ITSN2: variants seen among roughly 807,000 people sequenced by gnomAD.
ITSN2 encodes intersectin 2.
ITSN2 carries 156 observed loss-of-function variants against 243.7 expected under a neutral mutation model. That is an observed-to-expected ratio of 0.64 (90% CI 0.56 to 0.73). The LOEUF (loss-of-function observed/expected upper bound fraction) is 0.73. Ranked by LOEUF, ITSN2 falls within the 30% of genes least tolerant of loss-of-function variation. The pLI is 0.00. For missense variants in ITSN2, 1,801 were observed against 1,996.1 expected (o/e 0.90, Z 1.86); for synonymous variants, 703 against 699.9 (o/e 1.00, Z -0.07).
chr2:24,283,327 C>T (rs1558549252), intron 17 of ITSN2, among the ~76,000 whole-genome samples: 4 of 152,124 alleles, frequency 2.6e-5, no homozygotes, highest in South Asian at 2.1e-4. Flanking sequence ...CGGGTTCAAG[C>T]GATTCTCCCG....
At chr2:24,277,737 G>T (rs1221880056) in intron 17 of ITSN2, among the ~76,000 whole-genome samples, 1 of 152,150 alleles carries the variant, frequency 6.6e-6, no homozygotes, top group Admixed American at 6.5e-5. Flanking sequence ...GTACAAGGGT[G>T]TCCAATCTTT....
intron 2 of ITSN2, chr2:24,321,805 G>A (rs1684605991): frequency 6.6e-6 from 1 of 152,126 alleles, no homozygotes; most frequent in Non-Finnish European, 1.5e-5. Flanking sequence ...AAAGATGGAA[G>A]CAGCTCACCT....
intron 13 of ITSN2, among the ~76,000 whole-genome samples, chr2:24,297,657 G>T (rs2151639810): frequency 6.6e-6 from 1 of 152,276 alleles, no homozygotes; most frequent in South Asian, 2.1e-4. Context: ...GAAAATCACT[G>T]TTCTGCTGCC....
rs569025969 is a variant in ITSN2, at chr2:24,254,389, C to A, written c.2931G>T (p.Ser977=). The A allele has an allele frequency of 7.4e-6, 12 of 1,612,270 alleles. No individual in the cohort carries two copies. Among genetic ancestry groups the A allele is most frequent in the Non-Finnish European group, 8.5e-7 (1 of 1,178,848 alleles). Residue 977 remains serine, a synonymous_variant, in exon 24 of 40, where the codon TCG becomes TCT. Coordinates refer to ENST00000355123, the MANE Select transcript of ITSN2 (RefSeq NM_006277.3). ...LYAAVNKKPT[S]AAYSVGEEYI... ...TACCTTCTCCAACTGAATAGGCTGC[C>A]GAGGTAGGTTTCTTATTTACAGCTG... is the stretch of plus-strand genomic sequence containing the variant.
intron 11 of ITSN2, among the ~76,000 whole-genome samples, chr2:24,300,488 T>A (rs546295170): frequency 1.3e-5 from 2 of 152,282 alleles, no homozygotes; most frequent in East Asian, 3.9e-4. Flanking sequence ...GAGGCCAAGG[T>A]GGGCGGATCA....
intron 25 of ITSN2, among the ~76,000 whole-genome samples, chr2:24,250,738 A>G (rs1673979049): frequency 6.6e-6 from 1 of 152,192 alleles, no homozygotes; most frequent in Non-Finnish European, 1.5e-5. Context: ...GTAGAATAAA[A>G]AAGAACATTG....
intron 29 of ITSN2, among the ~76,000 whole-genome samples, chr2:24,245,405 G>A (rs765667867): frequency 2.0e-5 from 3 of 151,892 alleles, no homozygotes; most frequent in Admixed American, 1.3e-4. Flanking sequence ...TAAATGAGAA[G>A]GTTAGAAATG....
At chr2:24,251,320 A>AT (rs1256107124) in intron 25 of ITSN2, among the ~76,000 whole-genome samples, 60 of 2,740 alleles carry the variant, frequency 0.022, 13 homozygotes, top group African/African-American at 0.06. Flanking sequence ...AAAAAAAAAA[A>AT]AAAATAAAAT....
chr2:24,222,059 T>C (rs1042898190), intron 29 of ITSN2, among the ~76,000 whole-genome samples: 33 of 152,246 alleles, frequency 2.2e-4, no homozygotes, highest in East Asian at 7.7e-4. Context: ...GAGACCATCC[T>C]GGCTAACACG....
chr2:24,247,723 T>C (rs1489186263), intron 27 of ITSN2, among the ~76,000 whole-genome samples: 1 of 152,178 alleles, frequency 6.6e-6, no homozygotes, highest in Non-Finnish European at 1.5e-5. Context: ...ATTTATATTC[T>C]AAAAAGACAT....
At position 24,315,232 on chromosome 2, in the gene ITSN2, A is replaced by C; in HGVS notation, c.32-8T>G. ...CCCACATGTTTGGCCCTCCTGAAACATAAGTGGAAGAAACTATAGTGTATA... is the reference window on the plus strand; with the variant it reads ...CCCACATGTTTGGCCCTCCTGAAACCTAAGTGGAAGAAACTATAGTGTATA... On this transcript the variant is annotated splice_polypyrimidine_tract_variant and splice_region_variant and intron_variant, in intron 2 of 39. Coordinates refer to ENST00000355123, the MANE Select transcript of ITSN2 (RefSeq NM_006277.3). 2 of 1,558,068 alleles carry C rather than the reference A, an allele frequency of 1.3e-6. No individual in the cohort carries two copies. Among genetic ancestry groups the C allele is most frequent in the Non-Finnish European group, 1.8e-6 (2 of 1,132,046 alleles).
intron 10 of ITSN2, 51 bp from the exon 11 acceptor site, chr2:24,301,290 G>C: frequency 9.0e-7 from 1 of 1,110,244 alleles, no homozygotes; most frequent in Non-Finnish European, 1.4e-6. Flanking sequence ...GACATTTTCA[G>C]ACTAGATTAC....
At chr2:24,288,682 A>C (rs948445934) in intron 15 of ITSN2, among the ~76,000 whole-genome samples, 1 of 152,156 alleles carries the variant, frequency 6.6e-6, no homozygotes, top group African/African-American at 2.4e-5. Context: ...GAAAACACTT[A>C]AAATCTATTC....
In ITSN2 at chr2:24,294,387, C is replaced by T. The variant is rs1680671310; in HGVS notation, c.1636-612G>A. On this transcript the variant is annotated intron_variant, in intron 14 of 39. Transcript: ENST00000355123. ...GTTGCAGTGAGCTGAGGTCATGCCA[C>T]TGCACTCCAGCCTGGGTGACAGAGG... Among the ~76,000 whole-genome samples, 3 of 152,298 alleles carry T rather than the reference C, an allele frequency of 2.0e-5. No individual in the cohort carries two copies. The South Asian group carries it at 6.2e-4, about 32-fold the overall frequency.
chr2:24,343,798 T>C (rs544301882), intron 1 of ITSN2, among the ~76,000 whole-genome samples: 1 of 152,294 alleles, frequency 6.6e-6, no homozygotes, highest in South Asian at 2.1e-4. Flanking sequence ...ACCAGTAATA[T>C]ACTCCATTTC....
At chr2:24,241,137 A>T (rs1672685045) in intron 29 of ITSN2, 1 of 152,178 alleles carries the variant, frequency 6.6e-6, no homozygotes, top group Non-Finnish European at 1.5e-5. Context: ...TTTTGGGGAC[A>T]TTTAAACTCT....
intron 1 of ITSN2, among the ~76,000 whole-genome samples, chr2:24,347,251 T>C (rs1265840598): frequency 6.6e-6 from 1 of 152,054 alleles, no homozygotes; most frequent in Non-Finnish European, 1.5e-5. Flanking sequence ...AAAATACAAA[T>C]AAGCTAATTT....
At chr2:24,349,065 G>A (rs2151935194) in intron 1 of ITSN2, among the ~76,000 whole-genome samples, 1 of 152,244 alleles carries the variant, frequency 6.6e-6, no homozygotes, top group Non-Finnish European at 1.5e-5. Flanking sequence ...TCAGGAGTTT[G>A]AGACCAGTCT....
At chr2:24,326,136 A>G (rs916542732) in intron 2 of ITSN2, among the ~76,000 whole-genome samples, 2 of 152,204 alleles carry the variant, frequency 1.3e-5, no homozygotes, top group African/African-American at 2.4e-5. Context: ...GTTATCGTCA[A>G]TCTTCTAAGT....
Sources: gnomAD v4.1 joint callset for allele counts (sites outside exome capture counted in the v4.1 genomes callset) on GRCh38, gnomAD v4.1.1 for gene constraint, MANE v1.5 for transcripts, NCBI Gene and HGNC (gene_info 2026-07-23, HGNC 2026-07-21) for gene names.